The following NTF3 variants were observed in gnomAD, a reference collection of about 807,000 sequenced individuals.
NTF3 encodes the protein neurotrophin 3.
In NTF3, 8 loss-of-function variants were observed where a neutral mutation model predicts 26.3. That is an observed-to-expected ratio of 0.30 (90% confidence interval 0.18 to 0.55). The LOEUF (loss-of-function observed/expected upper bound fraction) is 0.55, where lower values mean the gene tolerates loss of function less well. NTF3 is among the 20% of genes least tolerant of loss of function. NTF3 has a pLI of 0.93. For missense variants in NTF3, 276 were observed against 352.9 expected, an observed-to-expected ratio of 0.78 and a Z score of 1.75; for synonymous variants, 154 against 145.5, an observed-to-expected ratio of 1.06 and a Z score of -0.42.
intron 1 of NTF3, among the ~76,000 whole-genome samples, chr12:5,441,616 CTGT>C (rs1373281212): frequency 6.6e-6 from 1 of 152,188 alleles, no homozygotes; most frequent in African/African-American, 2.4e-5. Flanking sequence ...AGAAAGGGAT[CTGT>C]TGTTTTCATT....
chr12:5,435,921 C>T (rs545153586), intron 1 of NTF3, among the ~76,000 whole-genome samples: 107 of 152,154 alleles, frequency 7.0e-4, no homozygotes, highest in African/African-American at 2.5e-3. Flanking sequence ...TATTCTGGCT[C>T]TTGTGAAGGG....
intron 1 of NTF3, among the ~76,000 whole-genome samples, chr12:5,446,629 A>T (rs1303059033): frequency 6.6e-6 from 1 of 152,266 alleles, no homozygotes; most frequent in South Asian, 2.1e-4. Context: ...GGAGGCTAAA[A>T]AAATCAAGAC....
At chr12:5,489,704 G>T (rs538348664) in intron 1 of NTF3, among the ~76,000 whole-genome samples, 60 of 152,160 alleles carry the variant, frequency 3.9e-4, no homozygotes, top group Non-Finnish European at 7.3e-4. Flanking sequence ...TAGGGAAGCT[G>T]GTCCTGGAGA....
chr12:5,471,233 C>G (rs1437139906), intron 1 of NTF3, among the ~76,000 whole-genome samples: 1 of 152,114 alleles, frequency 6.6e-6, no homozygotes, highest in South Asian at 2.1e-4. Flanking sequence ...CAGCAATCCA[C>G]AGGGGGCCCG....
At chr12:5,430,913 G>T (rs890493579), upstream of NTF3, among the ~76,000 whole-genome samples, 1 of 151,962 alleles carries the variant, frequency 6.6e-6, no homozygotes, top group Non-Finnish European at 1.5e-5. Flanking sequence ...ACCACGCAAG[G>T]ACTCGGGAAG....
At chr12:5,461,662 C>T (rs1565389896) in intron 1 of NTF3, among the ~76,000 whole-genome samples, 2 of 152,130 alleles carry the variant, frequency 1.3e-5, no homozygotes, top group African/African-American at 4.8e-5. Context: ...CCATCAGCAA[C>T]AGCCCTCTGT....
chr12:5,469,688 G>C (rs780103024), intron 1 of NTF3, among the ~76,000 whole-genome samples: 8 of 152,208 alleles, frequency 5.3e-5, no homozygotes, highest in Non-Finnish European at 1.0e-4. Flanking sequence ...AGATCTTAGG[G>C]AATGTGTCTC....
intron 1 of NTF3, among the ~76,000 whole-genome samples, chr12:5,492,838 A>G (rs569360821): frequency 7.9e-5 from 12 of 152,348 alleles, no homozygotes; most frequent in Admixed American, 7.8e-4. Flanking sequence ...AGGCTCAGAC[A>G]TAGGTGCTGG....
At chr12:5,451,659 T>A (rs1171289037) in intron 1 of NTF3, among the ~76,000 whole-genome samples, 1 of 152,238 alleles carries the variant, frequency 6.6e-6, no homozygotes, top group African/African-American at 2.4e-5. Context: ...TCTGTGTCTG[T>A]ATATGTGTAT....
intron 1 of NTF3, among the ~76,000 whole-genome samples, chr12:5,479,458 A>C (rs1487936393): frequency 1.3e-5 from 2 of 152,330 alleles, no homozygotes; most frequent in East Asian, 3.9e-4. Flanking sequence ...CAGCCGGATA[A>C]AGGAGCTCCA....
chr12:5,461,086 G>A (rs1174302631), intron 1 of NTF3, among the ~76,000 whole-genome samples: 7 of 152,132 alleles, frequency 4.6e-5, no homozygotes, highest in Non-Finnish European at 2.9e-5. Context: ...AAGGTTCAAG[G>A]GAGAACTATA....
chr12:5,439,191 T>C (rs898914435), intron 1 of NTF3, among the ~76,000 whole-genome samples: 2 of 152,188 alleles, frequency 1.3e-5, no homozygotes, highest in African/African-American at 2.4e-5. Flanking sequence ...ATCTTTAAGA[T>C]GATGGATGAT....
rs2121265184 is a variant in NTF3, at chr12:5,494,995, A to C, written c.*7A>C. On this transcript the variant is annotated 3_prime_UTR_variant, in exon 2 of 2. Coordinates refer to ENST00000423158, the MANE Select transcript of NTF3 (RefSeq NM_001102654.2). The surrounding 1 kb of genome is among the most constrained non-coding windows in gnomAD (Gnocchi z 8.3). ...AAAAATCGGAAGAACATGAATTGGC[A>C]TCTCTCCCCATATATAAATTATTAC... 1.2e-6 allele frequency: 2 copies of C among 1,610,498 alleles called. 1 individual carries two copies. Among genetic ancestry groups the C allele is most frequent in the South Asian group, 2.2e-5 (2 of 90,574 alleles).
At position 5,433,235 on chromosome 12, in the gene NTF3, T is replaced by G. The variant is rs1940121347; in HGVS notation, c.18+893T>G. 6.6e-6 allele frequency: 1 copy of G among 152,162 alleles called. No individual in the cohort carries two copies. The highest frequency in any genetic ancestry group is 1.5e-5 in the Non-Finnish European group (1 of 68,066). The allele number at this position is 152,162 out of a possible 1,614,324, so 9.4% of individuals were successfully genotyped here. ...AGCGGCGGGCACCCGGGCCCGGCCA[T>G]CCCAGGGGATCTCCTTGCGGTATCG... On this transcript the variant is annotated intron_variant, in intron 1 of 1. Transcript: ENST00000423158. This position sits in a 1 kb window ranked among gnomAD's most constrained non-coding sequence, Gnocchi z 4.6.
In NTF3 at chr12:5,433,868, G is replaced by T. The variant is rs749057304; in HGVS notation, c.18+1526G>T. Among the ~76,000 whole-genome samples the T allele has an allele frequency of 2.3e-4, 35 of 152,244 alleles. No individual in the cohort carries two copies. The highest frequency in any genetic ancestry group is 5.0e-4 in the Non-Finnish European group (34 of 68,012). On this transcript the variant is annotated intron_variant, in intron 1 of 1. Coordinates refer to ENST00000423158, the MANE Select transcript of NTF3 (RefSeq NM_001102654.2). This position sits in a 1 kb window ranked among gnomAD's most constrained non-coding sequence, Gnocchi z 4.6. ...GCGAGGGCCTGCTGAGAGGGGAGGGGAGCCTGGAAGGGGTGGGTGTTTCTC... is the reference window on the plus strand; with the variant it reads ...GCGAGGGCCTGCTGAGAGGGGAGGGTAGCCTGGAAGGGGTGGGTGTTTCTC...
intron 1 of NTF3, among the ~76,000 whole-genome samples, chr12:5,434,472 A>AGTGTGTGTGTGTGTGTGTGT: frequency 7.0e-6 from 1 of 142,788 alleles, no homozygotes; most frequent in East Asian, 2.0e-4. Flanking sequence ...GTTTTTCCAA[A>AGTGTGTGTGTGTGTGTGTGT]GTGTGTGTGT....
chr12:5,455,579 CACACATAG>C (rs771188020), intron 1 of NTF3, among the ~76,000 whole-genome samples: 1 of 73,826 alleles, frequency 1.4e-5, no homozygotes, highest in African/African-American at 6.2e-5. Flanking sequence ...CACACACACA[CACACATAG>C]CCCCTGTGAT....
Position 5,494,116 on chromosome 12 carries a change from AG to A in NTF3, c.19-77del. ...CTCTCGTGCCCTCACAGGGCTACTC[AG>A]CCTCAGGTAGCTGGTGCCAGAATAA... On this transcript the variant is annotated intron_variant, in intron 1 of 1. Coordinates refer to ENST00000423158, the MANE Select transcript of NTF3 (RefSeq NM_001102654.2). This position sits in a 1 kb window ranked among gnomAD's most constrained non-coding sequence, Gnocchi z 8.3. The A allele has an allele frequency of 7.0e-7, 1 of 1,430,674 alleles. No individual in the cohort carries two copies. The highest frequency in any genetic ancestry group is 9.6e-7 in the Non-Finnish European group (1 of 1,043,160). 88.6% of individuals were successfully genotyped at this position (1,430,674 alleles called of 1,614,324 possible). A position where few individuals can be genotyped will look rare whatever the true frequency, so the allele number is the denominator to read the frequency against.
chr12:5,460,449 G>A (rs762467252), intron 1 of NTF3, among the ~76,000 whole-genome samples: 6 of 152,132 alleles, frequency 3.9e-5, no homozygotes, highest in East Asian at 1.9e-4. Flanking sequence ...AATACAGTGC[G>A]TAGTCTTTTC....
Sources: allele counts gnomAD v4.1 joint callset (sites outside exome capture counted in the v4.1 genomes callset), GRCh38; gene constraint gnomAD v4.1.1; non-coding constraint Gnocchi (gnomAD v3.1); transcripts MANE v1.5; gene names NCBI Gene and HGNC (gene_info 2026-07-23, HGNC 2026-07-21).